The following PCDH15 variants were observed in gnomAD, a reference collection of about 807,000 sequenced individuals.
The protein encoded by PCDH15 is protocadherin-15.
Under a neutral mutation model 178.5 loss-of-function variants are expected in PCDH15, and 129 were observed. The observed-to-expected ratio is 0.72, with a 90% CI of 0.63 to 0.84. PCDH15 has a LOEUF of 0.84. Ranked by LOEUF, PCDH15 falls within the 40% of genes least tolerant of loss-of-function variation. The pLI is 0.00. For missense variants in PCDH15, 2,230 were observed against 2,099.9 expected (o/e 1.06, Z -1.21); for synonymous variants, 800 against 732.0 (o/e 1.09, Z -1.50).
At chr10:54,353,188 C>G (rs966708940) in intron 5 of PCDH15, among the ~76,000 whole-genome samples, 1 of 152,072 alleles carries the variant, frequency 6.6e-6, no homozygotes, top group Non-Finnish European at 1.5e-5. Flanking sequence ...GTAAATATAA[C>G]ATTTGTTTTA....
intron 2 of PCDH15, among the ~76,000 whole-genome samples, chr10:54,619,691 T>G (rs532832864): frequency 1.2e-4 from 18 of 152,188 alleles, no homozygotes; most frequent in Non-Finnish European, 2.4e-4. Flanking sequence ...CCACCATTAC[T>G]GCTATACTCC....
At chr10:55,287,375 A>G (rs1389786378) in intron 1 of PCDH15, among the ~76,000 whole-genome samples, 1 of 152,118 alleles carries the variant, frequency 6.6e-6, no homozygotes, top group Non-Finnish European at 1.5e-5. Context: ...TGAATAAATC[A>G]TTAAACTTAT....
intron 12 of PCDH15, 57 bp downstream of exon 12, chr10:54,185,077 A>G: frequency 3.1e-6 from 5 of 1,590,104 alleles, no homozygotes; most frequent in Non-Finnish European, 4.3e-6. Flanking sequence ...AGTTCCATAC[A>G]AACATACATA....
intron 2 of PCDH15, among the ~76,000 whole-genome samples, chr10:55,042,395 T>C (rs1840885871): frequency 6.6e-6 from 1 of 152,022 alleles, no homozygotes; most frequent in South Asian, 2.1e-4. Context: ...AAATTGATAA[T>C]GAAGTGGTAT....
chr10:55,518,817 G>A (rs113018634), intron 2 of PCDH15, among the ~76,000 whole-genome samples: 5 of 151,766 alleles, frequency 3.3e-5, no homozygotes, highest in East Asian at 2.0e-4. Context: ...AATCTGGGCC[G>A]GGGCGTGGTG....
intron 1 of PCDH15, among the ~76,000 whole-genome samples, chr10:55,250,350 T>C (rs1841800991): frequency 6.6e-6 from 1 of 151,738 alleles, no homozygotes; most frequent in African/African-American, 2.4e-5. Flanking sequence ...TCTCACTTTT[T>C]TGCCCTGGCT....
intron 3 of PCDH15, among the ~76,000 whole-genome samples, chr10:54,422,236 T>A (rs1441900712): frequency 6.6e-6 from 1 of 151,902 alleles, no homozygotes; most frequent in Non-Finnish European, 1.5e-5. Flanking sequence ...AACCAAATTA[T>A]CTGACTATAA....
intron 2 of PCDH15, among the ~76,000 whole-genome samples, chr10:55,029,603 C>G (rs1313556757): frequency 1.3e-5 from 2 of 151,986 alleles, no homozygotes; most frequent in Non-Finnish European, 2.9e-5. Context: ...ACAAAAAAAT[C>G]GAAACAAAAT....
At chr10:55,157,519 G>A (rs1382106891) in intron 2 of PCDH15, among the ~76,000 whole-genome samples, 3 of 148,014 alleles carry the variant, frequency 2.0e-5, no homozygotes, top group African/African-American at 7.5e-5. Context: ...TGTTTATTGC[G>A]GCACTATTCA....
At chr10:54,636,052 C>T (rs1937392) in intron 2 of PCDH15, among the ~76,000 whole-genome samples, 70,309 of 151,552 alleles carry the variant, frequency 0.46, 17,554 homozygotes, top group Non-Finnish European at 0.56. Flanking sequence ...AAGTAAGTAA[C>T]GTTAATAATT....
chr10:54,498,906 T>C (rs558972948), intron 3 of PCDH15, among the ~76,000 whole-genome samples: 2 of 152,056 alleles, frequency 1.3e-5, no homozygotes, highest in Non-Finnish European at 2.9e-5. Flanking sequence ...AAGTAGGCAC[T>C]TCCTCACATG....
chr10:53,920,599 C>A (rs566104092), intron 25 of PCDH15, among the ~76,000 whole-genome samples: 1 of 151,918 alleles, frequency 6.6e-6, no homozygotes, highest in South Asian at 2.1e-4. Flanking sequence ...AGAAGTAGAG[C>A]GGAAACAGAA....
chr10:54,061,598 T>G (rs1036822235), intron 18 of PCDH15, among the ~76,000 whole-genome samples: 1 of 152,132 alleles, frequency 6.6e-6, no homozygotes, highest in Admixed American at 6.6e-5. Flanking sequence ...GCTTTTCTCA[T>G]GAACCCTAAC....
chr10:54,381,678 A>G (rs947123585), intron 3 of PCDH15, among the ~76,000 whole-genome samples: 3 of 152,134 alleles, frequency 2.0e-5, no homozygotes, highest in African/African-American at 7.2e-5. Flanking sequence ...ATTTAATTAT[A>G]ATAAAGGGAT....
intron 2 of PCDH15, among the ~76,000 whole-genome samples, chr10:54,636,206 C>T (rs2093849528): frequency 6.6e-6 from 1 of 151,900 alleles, no homozygotes; most frequent in South Asian, 2.1e-4. Flanking sequence ...GATGCACCAT[C>T]ACCATTAGCA....
intron 2 of PCDH15, among the ~76,000 whole-genome samples, chr10:55,627,383 C>A (rs1837551379): frequency 6.6e-6 from 1 of 152,068 alleles, no homozygotes; most frequent in Non-Finnish European, 1.5e-5. Context: ...TCAACTTCCC[C>A]GAGAAGCTCA....
chr10:54,663,027 G>A lies in PCDH15; in HGVS notation c.91+1145C>T, dbSNP rs553777263. Reference sequence around the variant, plus strand: ...GTAAACACCATGCTAACTAGCAGCAGTGTTCAAGAGATCATGCTGCCGATC... The same window carrying A: ...GTAAACACCATGCTAACTAGCAGCAATGTTCAAGAGATCATGCTGCCGATC... On this transcript the variant is annotated intron_variant, in intron 2 of 37. Coordinates refer to ENST00000644397, the MANE Select transcript of PCDH15 (RefSeq NM_001384140.1). 3.9e-5 allele frequency among the ~76,000 whole-genome samples: 6 copies of A among 152,064 alleles called. No homozygotes were observed. The South Asian group carries it at 1.2e-3, about 31-fold the overall frequency.
intron 2 of PCDH15, among the ~76,000 whole-genome samples, chr10:55,015,610 C>T (rs1591836793): frequency 2.0e-5 from 3 of 152,024 alleles, no homozygotes; most frequent in African/African-American, 4.8e-5. Context: ...ATGGTCCTGG[C>T]GGAAAACAGA....
At chr10:55,176,273 T>G (rs1215666900) in intron 1 of PCDH15, among the ~76,000 whole-genome samples, 1 of 152,102 alleles carries the variant, frequency 6.6e-6, no homozygotes, top group Non-Finnish European at 1.5e-5. Flanking sequence ...AAACCTCTTG[T>G]TTACTCCTGC....
Sources: allele counts gnomAD v4.1 joint callset (sites outside exome capture counted in the v4.1 genomes callset), GRCh38; gene constraint gnomAD v4.1.1; transcripts MANE v1.5; gene names NCBI Gene and HGNC (gene_info 2026-07-23, HGNC 2026-07-21).